MEDAG: variants seen among roughly 807,000 people sequenced by gnomAD.
MEDAG encodes the protein mesenteric estrogen dependent adipogenesis.
MEDAG carries 25 observed loss-of-function variants against 29.9 expected under a neutral mutation model. The ratio of observed to expected loss-of-function variants is 0.84; its 90% CI spans 0.61 to 1.17. The LOEUF (loss-of-function observed/expected upper bound fraction) is 1.17. MEDAG is among the 50% of genes most tolerant of loss of function. MEDAG has a pLI of 0.00. For missense variants in MEDAG, 398 were observed against 372.9 expected (o/e 1.07, Z -0.56); for synonymous variants, 158 against 148.2 (o/e 1.07, Z -0.48).
At chr13:30,919,072 G>A (rs1054705257) in intron 2 of MEDAG, among the ~76,000 whole-genome samples, 1 of 152,174 alleles carries the variant, frequency 6.6e-6, no homozygotes, top group Non-Finnish European at 1.5e-5. Context: ...CCTATAGAAT[G>A]TATGAAGTTG....
In MEDAG at chr13:30,917,969, G is replaced by A. The variant is rs144784109; in HGVS notation, c.388+457G>A. Among the ~76,000 whole-genome samples, 828 of 152,286 alleles carry A rather than the reference G, an allele frequency of 5.4e-3. 4 individuals carry two copies. Among genetic ancestry groups the A allele is most frequent in the African/African-American group, 0.019 (773 of 41,560 alleles). ...ACTGGGCTGAGGTGTGGACTGATGA[G>A]CAGGGCAGAAATCAGCTTGTGACAA... On this transcript the variant is annotated intron_variant, in intron 2 of 4. Transcript: ENST00000380482.
At position 30,924,653 on chromosome 13, in the gene MEDAG, G is replaced by T. The variant is rs980710272; in HGVS notation, c.*218G>T. 10 of 424,280 alleles carry T rather than the reference G, an allele frequency of 2.4e-5. No individual in the cohort carries two copies. Among genetic ancestry groups the T allele is most frequent in the Non-Finnish European group, 3.7e-5 (9 of 241,354 alleles). The allele number at this position is 424,280 out of a possible 1,614,324, so 26.3% of individuals were successfully genotyped here. On this transcript the variant is annotated 3_prime_UTR_variant, in exon 5 of 5. Coordinates refer to ENST00000380482, the MANE Select transcript of MEDAG (RefSeq NM_032849.4). The stretch of plus-strand genomic sequence containing the variant: ...TTCCCCTAAAACTTATGATTACCAG[G>T]ATGGAAAGGCCTTGGTCCCATGGCA...
Position 30,906,478 on chromosome 13 carries a change from G to C in MEDAG, c.-38G>C, listed in dbSNP as rs533638260. 5 of 1,443,070 alleles carry C rather than the reference G, an allele frequency of 3.5e-6. No individual in the cohort carries two copies. The highest frequency in any genetic ancestry group is 1.8e-6 in the Non-Finnish European group (2 of 1,103,930). 89.4% of individuals were successfully genotyped at this position (1,443,070 alleles called of 1,614,324 possible). On this transcript the variant is annotated 5_prime_UTR_variant, in exon 1 of 5. Transcript: ENST00000380482. ...GTGCCGGCTGGGGGCTGTAGGCACCGGACGGAAGCAGGCGGTGTGAGGACC... is the reference window on the plus strand; with the variant it reads ...GTGCCGGCTGGGGGCTGTAGGCACCCGACGGAAGCAGGCGGTGTGAGGACC...
At chr13:30,909,697 A>T (rs1952863841) in intron 1 of MEDAG, among the ~76,000 whole-genome samples, 1 of 152,184 alleles carries the variant, frequency 6.6e-6, no homozygotes, top group Non-Finnish European at 1.5e-5. Context: ...TATTTTTGGC[A>T]TATGGGATAA....
At position 30,925,160 on chromosome 13, in the gene MEDAG, G is replaced by T. The variant is rs1953029660; in HGVS notation, c.*725G>T. 1 of 152,120 alleles carries T rather than the reference G, an allele frequency of 6.6e-6. No individual in the cohort carries two copies. Among genetic ancestry groups the T allele is most frequent in the Non-Finnish European group, 1.5e-5 (1 of 68,032 alleles). 9.4% of individuals were successfully genotyped at this position (152,120 alleles called of 1,614,324 possible). A position where few individuals can be genotyped will look rare whatever the true frequency, so the allele number is the denominator to read the frequency against. ...GGTACCGAACAATGACAGGGGAAGG[G>T]TATTGGACACGGCAGCGTCCTCCTT... is the stretch of plus-strand genomic sequence containing the variant. On this transcript the variant is annotated 3_prime_UTR_variant, in exon 5 of 5. Transcript: ENST00000380482.
intron 4 of MEDAG, 107 bp downstream of exon 4, chr13:30,921,953 AG>A: frequency 2.5e-6 from 3 of 1,194,292 alleles, no homozygotes. Context: ...TATTAATGAA[AG>A]GGAAATAGAT....
intron 1 of MEDAG, among the ~76,000 whole-genome samples, chr13:30,914,173 A>G (rs961890387): frequency 3.3e-5 from 5 of 152,324 alleles, no homozygotes; most frequent in Non-Finnish European, 7.3e-5. Flanking sequence ...CACCTTAACA[A>G]CTAAATTCTC....
At chr13:30,906,899 C>A in intron 1 of MEDAG, 106 bp downstream of exon 1, 1 of 1,154,156 alleles carries the variant, frequency 8.7e-7, no homozygotes, top group Non-Finnish European at 1.2e-6. Context: ...CCTGCGACAC[C>A]GCGTGGCCCC....
rs553311229 is a variant in MEDAG, at chr13:30,907,855, CA to C, written c.278+1066del. Among the ~76,000 whole-genome samples, 30 of 152,332 alleles carry C rather than the reference CA, an allele frequency of 2.0e-4. 2 individuals are homozygous for C. In the South Asian group the frequency reaches 4.8e-3, roughly 24 times the overall value. On this transcript the variant is annotated intron_variant, in intron 1 of 4. Transcript: ENST00000380482. ...AATGAGATATTGAACGTGCAGTCTT[CA>C]AAACTCTTGGAGAAAAAACCTTGCT...
intron 1 of MEDAG, 75 bp from the exon 2 acceptor site, chr13:30,917,328 C>G (rs1952938510): frequency 6.8e-6 from 6 of 884,646 alleles, no homozygotes; most frequent in Non-Finnish European, 1.1e-5. Flanking sequence ...GTGGCAGATA[C>G]CTGTCCAGTA....
At chr13:30,916,870 G>T (rs1952934208) in intron 1 of MEDAG, 1 of 152,450 alleles carries the variant, frequency 6.6e-6, no homozygotes, top group Admixed American at 6.5e-5. Context: ...AATTACACAA[G>T]TTCAGCGTAG....
At chr13:30,907,792 C>A (rs764187822) in intron 1 of MEDAG, among the ~76,000 whole-genome samples, 1 of 152,204 alleles carries the variant, frequency 6.6e-6, no homozygotes, top group Non-Finnish European at 1.5e-5. Context: ...CTGTGGCACC[C>A]TGTGGGTAGG....
At chr13:30,921,990 G>A (rs750191829) in intron 4 of MEDAG, 144 bp downstream of exon 4, 23 of 893,682 alleles carry the variant, frequency 2.6e-5, no homozygotes, top group Middle Eastern at 7.1e-4. Context: ...GTAAGAAGTG[G>A]GGCATGTTTA....
intron 1 of MEDAG, among the ~76,000 whole-genome samples, chr13:30,908,313 CA>C (rs1952848952): frequency 6.6e-6 from 1 of 152,152 alleles, no homozygotes; most frequent in Non-Finnish European, 1.5e-5. Flanking sequence ...TACAAAACAA[CA>C]AATAATAGGC....
intron 1 of MEDAG, among the ~76,000 whole-genome samples, chr13:30,907,270 C>T (rs1367459531): frequency 1.3e-5 from 2 of 152,178 alleles, no homozygotes; most frequent in African/African-American, 2.4e-5. Context: ...AGTGAGGAGA[C>T]CGAGTGGAGA....
intron 1 of MEDAG, among the ~76,000 whole-genome samples, chr13:30,911,018 C>T (rs1282285148): frequency 1.3e-5 from 2 of 152,218 alleles, no homozygotes; most frequent in Non-Finnish European, 2.9e-5. Context: ...ACCATCCATG[C>T]ATTGAGCTGT....
chr13:30,914,589 A>G (rs1952909973), intron 1 of MEDAG, among the ~76,000 whole-genome samples: 2 of 151,934 alleles, frequency 1.3e-5, no homozygotes, highest in South Asian at 4.2e-4. Flanking sequence ...TGTGTAGGTC[A>G]TACATTACAC....
At chr13:30,921,490 GTT>G in intron 3 of MEDAG, 69 bp from the exon 4 acceptor site, 1 of 1,394,024 alleles carries the variant, frequency 7.2e-7, no homozygotes, top group South Asian at 1.4e-5. Flanking sequence ...TATTTAGGCG[GTT>G]GTTAGTTCTA....
chr13:30,906,715 G>C lies in MEDAG; in HGVS notation c.200G>C (p.Arg67Pro). Residue 67 changes from arginine (R) to proline (P), a missense_variant, in exon 1 of 5, where the codon CGG becomes CCG. Arg to Pro is a moderately radical substitution (Grantham distance 103). Transcript: ENST00000380482. Reference sequence around the variant, plus strand: ...AGGCCCGGGGAGCCGGCGGCGGCGCGGGGGGGCTTCAACGTCTTCGGTGAC... The same window carrying C: ...AGGCCCGGGGAGCCGGCGGCGGCGCCGGGGGGCTTCAACGTCTTCGGTGAC... The part of the protein sequence containing the change: ...VARPGEPAAA[R>P]GGFNVFGDGL... The C allele has an allele frequency of 6.6e-7, 1 of 1,503,836 alleles. No homozygotes were observed. The highest frequency in any genetic ancestry group is 8.8e-7 in the Non-Finnish European group (1 of 1,130,958). The allele number at this position is 1,503,836 out of a possible 1,614,324, so 93.2% of individuals were successfully genotyped here. A position where few individuals can be genotyped will look rare whatever the true frequency, so the allele number is the denominator to read the frequency against.
Sources: allele counts gnomAD v4.1 joint callset (sites outside exome capture counted in the v4.1 genomes callset), GRCh38; gene constraint gnomAD v4.1.1; transcripts MANE v1.5; gene names NCBI Gene and HGNC (gene_info 2026-07-23, HGNC 2026-07-21).